CPZ: variants seen among roughly 807,000 people sequenced by gnomAD.
CPZ encodes carboxypeptidase Z.
CPZ carries 103 observed loss-of-function variants against 61.8 expected under a neutral mutation model. That is an observed-to-expected ratio of 1.67 (90% CI 1.42 to 1.96). The LOEUF (loss-of-function observed/expected upper bound fraction) is 1.96. CPZ is among the 30% of genes most tolerant of loss of function. The pLI is 0.00. For synonymous variants in CPZ, 551 were observed against 373.7 expected, an observed-to-expected ratio of 1.47 and a Z score of -5.47; for missense variants, 1,461 against 914.9, an observed-to-expected ratio of 1.60 and a Z score of -7.70.
At chr4:8,602,203 G>C (rs1475233914) in intron 3 of CPZ, 2 of 152,430 alleles carry the variant, frequency 1.3e-5, no homozygotes, top group African/African-American at 4.8e-5. Flanking sequence ...TGGCAGCGGG[G>C]CTGGTTGGGG....
In CPZ at chr4:8,607,436, T is replaced by G. The variant is rs914126107; in HGVS notation, c.1227+11T>G. On this transcript the variant is annotated intron_variant, in intron 7 of 10. Transcript: ENST00000360986. ...ACGCCCGACGAGAAGGTGAGAGGGC[T>G]GTCGGGTGTGTGCAGGGGAGGGAGA... is the stretch of plus-strand genomic sequence containing the variant. 7 of 1,613,316 alleles carry G rather than the reference T, an allele frequency of 4.3e-6. No individual in the cohort carries two copies. In the Middle Eastern group the frequency reaches 5.0e-4, roughly 114 times the overall value.
At chr4:8,599,726 G>A (rs1714435481) in intron 2 of CPZ, 2 of 995,668 alleles carry the variant, frequency 2.0e-6, no homozygotes, top group East Asian at 2.9e-5. Flanking sequence ...AGCCCCTGCA[G>A]AGATGTCCTC....
intron 9 of CPZ, among the ~76,000 whole-genome samples, chr4:8,615,155 G>T (rs1421726193): frequency 6.6e-6 from 1 of 152,174 alleles, no homozygotes; most frequent in African/African-American, 2.4e-5. Flanking sequence ...CCTGACTGAG[G>T]GGTGACTACT....
intron 8 of CPZ, 27 bp downstream of exon 8, chr4:8,612,189 G>T (rs775497996): frequency 9.0e-5 from 44 of 486,522 alleles, no homozygotes; most frequent in African/African-American, 6.9e-4. Context: ...GCGGGACTGG[G>T]CGGGGGGTGG....
chr4:8,606,673 C>T, intron 5 of CPZ, 64 bp from the exon 6 acceptor site: 1 of 1,599,128 alleles, frequency 6.3e-7, no homozygotes. Context: ...GCGTGAGACC[C>T]ATCTGGAAGG....
At chr4:8,615,356 C>T (rs1402771081) in intron 9 of CPZ, among the ~76,000 whole-genome samples, 1 of 152,170 alleles carries the variant, frequency 6.6e-6, no homozygotes, top group Non-Finnish European at 1.5e-5. Flanking sequence ...GCTGGGGACC[C>T]CAAGAAGGGT....
At chr4:8,616,202 A>T (rs1356201932) in intron 9 of CPZ, among the ~76,000 whole-genome samples, 1 of 152,204 alleles carries the variant, frequency 6.6e-6, no homozygotes. Flanking sequence ...GATAAGGATC[A>T]AGCCTGTCGT....
intron 7 of CPZ, among the ~76,000 whole-genome samples, chr4:8,607,833 C>A (rs552547213): frequency 6.6e-6 from 1 of 152,178 alleles, no homozygotes; most frequent in Non-Finnish European, 1.5e-5. Flanking sequence ...GCTGCCCGCC[C>A]GTCCTGCTTC....
intron 6 of CPZ, 22 bp downstream of exon 6, chr4:8,606,920 G>T: frequency 6.3e-7 from 1 of 1,575,916 alleles, no homozygotes. Context: ...CGCTGCCCAT[G>T]CTGGTCTCCA....
rs538634471 is a variant in CPZ at position 8,606,798 on chromosome 4, G to T, written c.968G>T (p.Arg323Leu). 6 of 1,614,186 alleles carry T rather than the reference G, an allele frequency of 3.7e-6. No homozygotes were observed. The highest frequency in any genetic ancestry group is 5.1e-6 in the Non-Finnish European group (6 of 1,180,030). Residue 323 changes from arginine (R) to leucine (L), a missense_variant, in exon 6 of 11, where the codon CGA becomes CTA. Transcript: ENST00000360986. The part of the protein sequence containing the change: ...RQNAQNLDLN[R>L]NFPDLTSEYY... ...AACGCGCAGAACCTGGATCTGAACC[G>T]AAATTTCCCGGACCTGACGTCCGAG...
intron 9 of CPZ, among the ~76,000 whole-genome samples, chr4:8,614,958 C>T (rs1238391287): frequency 2.6e-5 from 4 of 152,156 alleles, no homozygotes; most frequent in Non-Finnish European, 2.9e-5. Context: ...TCAAAACCCT[C>T]GAGAGCCGCT....
chr4:8,606,500 G>C (rs963673030), intron 5 of CPZ, among the ~76,000 whole-genome samples: 7 of 152,196 alleles, frequency 4.6e-5, no homozygotes, highest in African/African-American at 1.4e-4. Flanking sequence ...GCAGGTGACT[G>C]TCGAGGGCGC....
intron 1 of CPZ, 58 bp from the exon 2 acceptor site, chr4:8,599,395 C>A (rs1279623660): frequency 5.8e-6 from 9 of 1,540,558 alleles, no homozygotes; most frequent in Middle Eastern, 4.0e-4. Context: ...CCGTGTGTTG[C>A]CCGGTGAGTG....
chr4:8,605,448 C>CATCT (rs1462092557), intron 4 of CPZ, among the ~76,000 whole-genome samples: 3 of 152,108 alleles, frequency 2.0e-5, no homozygotes, highest in African/African-American at 4.8e-5. Context: ...TTTACACACC[C>CATCT]ATCCATCATC....
rs143635007 is a variant in CPZ at position 8,601,512 on chromosome 4, C to T, written c.496+15C>T. The T allele has an allele frequency of 2.5e-4, 366 of 1,449,734 alleles. 2 individuals carry two copies. In the African/African-American group the frequency reaches 4.2e-3, roughly 17 times the overall value. 89.8% of individuals were successfully genotyped at this position (1,449,734 alleles called of 1,614,324 possible). ...GAAGCTTCGGGGTAAGGGAAAGTGG[C>T]GGGGGCCTGTGTGGTCATGGGGTCC... On this transcript the variant is annotated intron_variant, in intron 3 of 10. Coordinates refer to ENST00000360986, the MANE Select transcript of CPZ (RefSeq NM_001014447.3).
chr4:8,605,400 ACATCCATGCATCCATCCACTCATCATC>A (rs1213662197), intron 4 of CPZ, among the ~76,000 whole-genome samples: 1 of 147,274 alleles, frequency 6.8e-6, no homozygotes, highest in Non-Finnish European at 1.5e-5. Context: ...ATTCATTCAT[ACATCCATGCATCCATCCACTCATCATC>A]CATCCATTTA....
chr4:8,605,986 C>G lies in CPZ; in HGVS notation c.710-3C>G, dbSNP rs758148667. ...TGCCCCAAGTCTCTGTATTTGCCCC[C>G]AGTGGAGCCCGAGGTGAAGCTCATC... On this transcript the variant is annotated splice_polypyrimidine_tract_variant and splice_region_variant and intron_variant, in intron 4 of 10. Transcript: ENST00000360986. The G allele has an allele frequency of 2.5e-6, 4 of 1,611,374 alleles. No homozygotes were observed. Among genetic ancestry groups the G allele is most frequent in the Admixed American group, 3.3e-5 (2 of 59,970 alleles).
chr4:8,616,287 A>T (rs1376325897), intron 9 of CPZ, among the ~76,000 whole-genome samples: 3 of 151,822 alleles, frequency 2.0e-5, no homozygotes, highest in Non-Finnish European at 4.4e-5. Flanking sequence ...GGGCGAGGGG[A>T]GGGGCGGCGT....
chr4:8,605,919 G>T (rs551547280), intron 4 of CPZ, 70 bp from the exon 5 acceptor site: 326 of 1,469,090 alleles, frequency 2.2e-4, no homozygotes, highest in Non-Finnish European at 2.7e-4. Context: ...CTTGCTGAGT[G>T]GGGGGGCCTC....
Sources: allele counts gnomAD v4.1 joint callset (sites outside exome capture counted in the v4.1 genomes callset), GRCh38; gene constraint gnomAD v4.1.1; transcripts MANE v1.5; gene names NCBI Gene and HGNC (gene_info 2026-07-23, HGNC 2026-07-21).